The following CRMP1 variants were observed in gnomAD, a reference collection of about 807,000 sequenced individuals.
CRMP1 encodes the protein dihydropyrimidinase-related protein 1.
CRMP1 carries 19 observed loss-of-function variants against 68.3 expected under a neutral mutation model. The ratio of observed to expected loss-of-function variants is 0.28; its 90% CI spans 0.19 to 0.41. The LOEUF is 0.41. Among genes scored for constraint, CRMP1 ranks in the 10% least tolerant of loss-of-function variants. The probability of loss-of-function intolerance (pLI) is 1.00; values close to 1 mark genes in which losing one functional copy is unlikely to be tolerated. For missense variants in CRMP1, 791 were observed against 967.4 expected (o/e 0.82, Z 2.42); for synonymous variants, 439 against 399.6 (o/e 1.10, Z -1.18).
Position 5,841,540 on chromosome 4 carries a change from GAGA to G in CRMP1, c.1033-115_1033-113del, listed in dbSNP as rs1356351103. ...AGAAGGGAAATCTGCTCCATTGAAT[GAGA>G]AGGACATACTGAGTCCAACAGCGCT... On this transcript the variant is annotated intron_variant, in intron 7 of 13. Coordinates refer to ENST00000324989, the MANE Select transcript of CRMP1 (RefSeq NM_001014809.3). The surrounding 1 kb of genome is among the most constrained non-coding windows in gnomAD (Gnocchi z 6.9). 5 of 1,516,774 alleles carry G rather than the reference GAGA, an allele frequency of 3.3e-6. No individual in the cohort carries two copies. The highest frequency in any genetic ancestry group is 1.8e-5 in the Admixed American group (1 of 56,554). 94.0% of individuals were successfully genotyped at this position (1,516,774 alleles called of 1,614,324 possible).
At position 5,821,923 on chromosome 4, in the gene CRMP1, G is replaced by A; in HGVS notation, c.1970-72C>T. 1 of 1,214,892 alleles carries A rather than the reference G, an allele frequency of 8.2e-7. No individual in the cohort carries two copies. Among genetic ancestry groups the A allele is most frequent in the South Asian group, 1.4e-5 (1 of 69,904 alleles). 75.3% of individuals were successfully genotyped at this position (1,214,892 alleles called of 1,614,324 possible). A position where few individuals can be genotyped will look rare whatever the true frequency, so the allele number is the denominator to read the frequency against. On this transcript the variant is annotated intron_variant, in intron 13 of 13. Transcript: ENST00000324989. This position sits in a 1 kb window ranked among gnomAD's most constrained non-coding sequence, Gnocchi z 4.4. Reference sequence around the variant, plus strand: ...GTTCCACGCTGCTCCTGGAGGCCATGTACTCTGCCATGCACTCCACTGGAC... The same window carrying A: ...GTTCCACGCTGCTCCTGGAGGCCATATACTCTGCCATGCACTCCACTGGAC...
rs754327324 is a variant in CRMP1 at position 5,856,175 on chromosome 4, C to A, written c.788G>T (p.Arg263Leu). 5 of 1,613,964 alleles carry A rather than the reference C, an allele frequency of 3.1e-6. No homozygotes were observed. The highest frequency in any genetic ancestry group is 4.2e-6 in the Non-Finnish European group (5 of 1,179,904). ...VDITSWYDGV[R>L]EELEVLVQDK... Reference sequence around the variant, plus strand: ...CTGCACCAGCACCTCCAGCTCCTCCCGAACGCCATCGTACCAGCTTGTGAT... The same window carrying A: ...CTGCACCAGCACCTCCAGCTCCTCCAGAACGCCATCGTACCAGCTTGTGAT... Residue 263 changes from arginine to leucine, a missense_variant, in exon 4 of 14, where the codon CGG (arginine) becomes CTG (leucine). Coordinates refer to ENST00000324989, the MANE Select transcript of CRMP1 (RefSeq NM_001014809.3).
Position 5,843,011 on chromosome 4 carries a change from T to C in CRMP1, c.1032+82A>G. The C allele has an allele frequency of 7.3e-7, 1 of 1,366,550 alleles. No individual in the cohort carries two copies. The highest frequency in any genetic ancestry group is 1.2e-5 in the South Asian group (1 of 84,888). The allele number at this position is 1,366,550 out of a possible 1,614,324, so 84.7% of individuals were successfully genotyped here. A position where few individuals can be genotyped will look rare whatever the true frequency, so the allele number is the denominator to read the frequency against. On this transcript the variant is annotated intron_variant, in intron 7 of 13. Coordinates refer to ENST00000324989, the MANE Select transcript of CRMP1 (RefSeq NM_001014809.3). This position sits in a 1 kb window ranked among gnomAD's most constrained non-coding sequence, Gnocchi z 4.1. The stretch of plus-strand genomic sequence containing the variant: ...ACACGGGAAGAGGCCGGGTCCTGGC[T>C]GGGCTACTCCAGCTGGAACAGCATC...
rs1006896094 is a variant in CRMP1, at chr4:5,843,658, G to A, written c.964-497C>T. 1.1e-4 allele frequency among the ~76,000 whole-genome samples: 16 copies of A among 152,316 alleles called. No homozygotes were observed. Among genetic ancestry groups the A allele is most frequent in the Non-Finnish European group, 2.9e-5 (2 of 68,032 alleles). On this transcript the variant is annotated intron_variant, in intron 6 of 13. Coordinates refer to ENST00000324989, the MANE Select transcript of CRMP1 (RefSeq NM_001014809.3). The surrounding 1 kb of genome is among the most constrained non-coding windows in gnomAD (Gnocchi z 4.1). ...GGTTGGTCAAGCTCTCTTGACCTCA[G>A]TCTCCTCTTCTGTACACTGGGGATA...
Position 5,861,067 on chromosome 4 carries a change from T to C in CRMP1, c.614A>G (p.Gln205Arg). 6.2e-7 allele frequency: 1 copy of C among 1,614,214 alleles called. No individual in the cohort carries two copies. Among genetic ancestry groups the C allele is most frequent in the Admixed American group, 1.7e-5 (1 of 60,028 alleles). Reference protein sequence around the residue: ...QGMTAADDFFQGTRAALVGGT... With the variant: ...QGMTAADDFFRGTRAALVGGT... ...GCCCACCAGTGCCGCCCTGGTCCCT[T>C]GGAAGAAGTCATCAGCCGCAGTCAT... Residue 205 changes from glutamine to arginine, a missense_variant, in exon 3 of 14, where the codon CAA (glutamine) becomes CGA (arginine). Physicochemically the swap from Gln to Arg is conservative, Grantham distance 43. Around this residue, in one of 3 missense-constraint regions of CRMP1, gnomAD observed 594 missense variants for 763.6 expected, o/e 0.78. Coordinates refer to ENST00000324989, the MANE Select transcript of CRMP1 (RefSeq NM_001014809.3). The surrounding 1 kb of genome is among the most constrained non-coding windows in gnomAD (Gnocchi z 6.0).
intron 1 of CRMP1, among the ~76,000 whole-genome samples, chr4:5,875,304 G>C (rs1714731036): frequency 6.6e-6 from 1 of 150,972 alleles, no homozygotes; most frequent in Non-Finnish European, 1.5e-5. Context: ...CCCGGGTTCT[G>C]TTCTCCCTCC....
Position 5,821,586 on chromosome 4 carries a change from A to G in CRMP1, c.*174T>C. 1 of 635,174 alleles carries G rather than the reference A, an allele frequency of 1.6e-6. No homozygotes were observed. The highest frequency in any genetic ancestry group is 2.2e-5 in the South Asian group (1 of 45,994). The allele number at this position is 635,174 out of a possible 1,614,324, so 39.3% of individuals were successfully genotyped here. Reference sequence around the variant, plus strand: ...CTGTGGGGCAAGGAATTTCCAAGCAAACACACCACACTAGTACCACTTCTT... The same window carrying G: ...CTGTGGGGCAAGGAATTTCCAAGCAGACACACCACACTAGTACCACTTCTT... On this transcript the variant is annotated 3_prime_UTR_variant, in exon 14 of 14. Transcript: ENST00000324989. The surrounding 1 kb of genome is among the most constrained non-coding windows in gnomAD (Gnocchi z 4.4).
At position 5,865,356 on chromosome 4, in the gene CRMP1, T is replaced by A. The variant is rs185677953; in HGVS notation, c.470+1312A>T. On this transcript the variant is annotated intron_variant, in intron 2 of 13. Coordinates refer to ENST00000324989, the MANE Select transcript of CRMP1 (RefSeq NM_001014809.3). This position sits in a 1 kb window ranked among gnomAD's most constrained non-coding sequence, Gnocchi z 4.1. ...GTTAAGGCCAGCCAGGCGCGATGGC[T>A]CACACCTGTAATCCCAGCACTTTGG... Among the ~76,000 whole-genome samples, 1 of 152,172 alleles carries A rather than the reference T, an allele frequency of 6.6e-6. No homozygotes were observed. The highest frequency in any genetic ancestry group is 2.4e-5 in the African/African-American group (1 of 41,536).
intron 1 of CRMP1, among the ~76,000 whole-genome samples, chr4:5,887,093 C>T (rs1715644681): frequency 6.6e-6 from 1 of 152,214 alleles, no homozygotes; most frequent in African/African-American, 2.4e-5. Context: ...GCCCTCAGCC[C>T]ATGCTCTAGC....
rs879478196 is a variant in CRMP1 at position 5,825,893 on chromosome 4, A to AC, written c.1804-235dup. 18,603 of 534,968 alleles carry AC rather than the reference A, an allele frequency of 0.035. 432 individuals carry two copies. Among genetic ancestry groups the AC allele is most frequent in the African/African-American group, 0.056 (2,795 of 50,274 alleles). 33.1% of individuals were successfully genotyped at this position (534,968 alleles called of 1,614,324 possible). The stretch of plus-strand genomic sequence containing the variant: ...CACATCTACATACCCACATGCATAC[A>AC]CATACAGACGCACACACCACGCACA... On this transcript the variant is annotated intron_variant, in intron 12 of 13. Transcript: ENST00000324989. The surrounding 1 kb of genome is among the most constrained non-coding windows in gnomAD (Gnocchi z 4.4).
At position 5,860,310 on chromosome 4, in the gene CRMP1, T is replaced by G. The variant is rs932214725; in HGVS notation, c.655+716A>C. ...TCTGCCATCCACCAGGAGAACAGAG[T>G]GGCTGGGGAGTCACTGGGTCCAGAA... On this transcript the variant is annotated intron_variant, in intron 3 of 13. Transcript: ENST00000324989. The surrounding 1 kb of genome is among the most constrained non-coding windows in gnomAD (Gnocchi z 4.2). Among the ~76,000 whole-genome samples the G allele has an allele frequency of 2.6e-5, 4 of 152,006 alleles. No homozygotes were observed. The highest frequency in any genetic ancestry group is 4.4e-5 in the Non-Finnish European group (3 of 68,004).
intron 1 of CRMP1, among the ~76,000 whole-genome samples, chr4:5,874,563 A>C (rs979994070): frequency 2.0e-5 from 3 of 152,074 alleles, no homozygotes; most frequent in Non-Finnish European, 2.9e-5. Flanking sequence ...ATCCTCAGGA[A>C]CCAGCCAGGA....
Position 5,855,430 on chromosome 4 carries a change from C to A in CRMP1, c.820+713G>T, listed in dbSNP as rs915918844. On this transcript the variant is annotated intron_variant, in intron 4 of 13. Coordinates refer to ENST00000324989, the MANE Select transcript of CRMP1 (RefSeq NM_001014809.3). The surrounding 1 kb of genome is among the most constrained non-coding windows in gnomAD (Gnocchi z 4.9). ...CGCTCATGCCCTGTCTCTTTCCATT[C>A]TGCTGTTCTTTGCTTCCTTTGTGTC... Among the ~76,000 whole-genome samples, 1 of 152,230 alleles carries A rather than the reference C, an allele frequency of 6.6e-6. No individual in the cohort carries two copies.
rs1447407727 is a variant in CRMP1, at chr4:5,870,382, T to C, written c.382-3626A>G. 6.6e-6 allele frequency among the ~76,000 whole-genome samples: 1 copy of C among 152,236 alleles called. No homozygotes were observed. The highest frequency in any genetic ancestry group is 1.5e-5 in the Non-Finnish European group (1 of 68,034). On this transcript the variant is annotated intron_variant, in intron 1 of 13. Transcript: ENST00000324989. The surrounding 1 kb of genome is among the most constrained non-coding windows in gnomAD (Gnocchi z 6.0). ...ACACTGGAATCACAGCTTTGGTGTG[T>C]TACCCCACTGGCAGTGCAGGACACA...
intron 9 of CRMP1, among the ~76,000 whole-genome samples, chr4:5,837,285 A>C (rs1720784033): frequency 6.6e-6 from 1 of 152,104 alleles, no homozygotes. Flanking sequence ...TTTAAAAACA[A>C]ATACTCTTTG....
intron 2 of CRMP1, among the ~76,000 whole-genome samples, chr4:5,864,639 C>A (rs1252486421): frequency 6.6e-6 from 1 of 152,200 alleles, no homozygotes; most frequent in Admixed American, 6.5e-5. Context: ...CAACAGACAG[C>A]AGCTCACGTG....
Position 5,865,607 on chromosome 4 carries a change from G to T in CRMP1, c.470+1061C>A, listed in dbSNP as rs1713937727. Among the ~76,000 whole-genome samples the T allele has an allele frequency of 7.0e-6, 1 of 142,488 alleles. No homozygotes were observed. The highest frequency in any genetic ancestry group is 1.5e-5 in the Non-Finnish European group (1 of 66,588). 93.5% of individuals were successfully genotyped at this position (142,488 alleles called of 152,430 possible). On this transcript the variant is annotated intron_variant, in intron 2 of 13. Transcript: ENST00000324989. This position sits in a 1 kb window ranked among gnomAD's most constrained non-coding sequence, Gnocchi z 4.1. Reference sequence around the variant, plus strand: ...CTGCACTCCAGCCTGGTGACAGAGTGAGACTCCGTCTCAAAAAAAAAAAAA... The same window carrying T: ...CTGCACTCCAGCCTGGTGACAGAGTTAGACTCCGTCTCAAAAAAAAAAAAA...
At position 5,847,615 on chromosome 4, in the gene CRMP1, T is replaced by C. The variant is rs182593860; in HGVS notation, c.963+1777A>G. On this transcript the variant is annotated intron_variant, in intron 6 of 13. Transcript: ENST00000324989. Reference sequence around the variant, plus strand: ...AAGAATTTCAATTGTGCAGGAAAACTACAAGGACTCAGATAAGAAGAAGTG... The same window carrying C: ...AAGAATTTCAATTGTGCAGGAAAACCACAAGGACTCAGATAAGAAGAAGTG... Among the ~76,000 whole-genome samples, 237 of 152,336 alleles carry C rather than the reference T, an allele frequency of 1.6e-3. 4 individuals are homozygous for C. Among genetic ancestry groups the C allele is most frequent in the Admixed American group, 0.015 (237 of 15,304 alleles).
Position 5,840,159 on chromosome 4 carries a change from G to A in CRMP1, c.1154-481C>T, listed in dbSNP as rs149629088. On this transcript the variant is annotated intron_variant, in intron 8 of 13. Coordinates refer to ENST00000324989, the MANE Select transcript of CRMP1 (RefSeq NM_001014809.3). ...AGCCAATAAAGGGAGATTTCTCATC[G>A]AGGCACAGCTGAGGGCCCTGGCACT... is the stretch of plus-strand genomic sequence containing the variant. Among the ~76,000 whole-genome samples the A allele has an allele frequency of 6.5e-3, 991 of 152,234 alleles. 12 individuals are homozygous for A. The highest frequency in any genetic ancestry group is 0.023 in the African/African-American group (944 of 41,548).
Sources: allele counts gnomAD v4.1 joint callset (sites outside exome capture counted in the v4.1 genomes callset), GRCh38; gene constraint gnomAD v4.1.1; regional missense constraint gnomAD v4.1.1; non-coding constraint Gnocchi (gnomAD v3.1); transcripts MANE v1.5; gene names NCBI Gene and HGNC (gene_info 2026-07-23, HGNC 2026-07-21).